Variants in ITFG1 observed in about 807,000 individuals in gnomAD.
ITFG1 encodes integrin alpha FG-GAP repeat containing 1, also known as T-cell immunomodulatory protein.
In ITFG1, 34 loss-of-function variants were observed where a neutral mutation model predicts 81.8. The observed-to-expected ratio is 0.42, with a 90% confidence interval of 0.32 to 0.55. The LOEUF is 0.55. Among genes scored for constraint, ITFG1 ranks in the 20% least tolerant of loss-of-function variants. The pLI, the probability that ITFG1 is intolerant of heterozygous loss-of-function variation, is 0.17. For missense variants in ITFG1, 672 were observed against 755.4 expected (o/e 0.89, Z 1.29); for synonymous variants, 285 against 270.6 (o/e 1.05, Z -0.52).
intron 6 of ITFG1, among the ~76,000 whole-genome samples, chr16:47,419,338 T>C (rs1968912502): frequency 6.6e-6 from 1 of 151,980 alleles, no homozygotes; most frequent in Non-Finnish European, 1.5e-5. Flanking sequence ...GCATAATCAT[T>C]GCTCACTGCA....
At chr16:47,259,962 G>A (rs989794816) in intron 11 of ITFG1, among the ~76,000 whole-genome samples, 6 of 146,250 alleles carry the variant, frequency 4.1e-5, no homozygotes, top group Admixed American at 6.8e-5. Context: ...TTTTTGAGAC[G>A]GAGTCTTGCT....
chr16:47,162,716 C>G, intron 14 of ITFG1, 52 bp from the exon 15 acceptor site: 1 of 1,459,752 alleles, frequency 6.9e-7, no homozygotes, highest in Non-Finnish European at 9.2e-7. Context: ...AAACATTGCT[C>G]CCATCAAATA....
chr16:47,250,463 T>A (rs1285262317), intron 12 of ITFG1, among the ~76,000 whole-genome samples: 1 of 151,812 alleles, frequency 6.6e-6, no homozygotes, highest in Non-Finnish European at 1.5e-5. Context: ...AATAAAAAAA[T>A]GGTAAGTATG....
chr16:47,405,860 C>T (rs1206187877), intron 6 of ITFG1, among the ~76,000 whole-genome samples: 1 of 152,034 alleles, frequency 6.6e-6, no homozygotes, highest in Non-Finnish European at 1.5e-5. Flanking sequence ...GGGGTACTTT[C>T]CTGGATTAAG....
At position 47,224,588 on chromosome 16, in the gene ITFG1, C is replaced by T. The variant is rs1482005868; in HGVS notation, c.1375-5642G>A. Among the ~76,000 whole-genome samples, 13 of 151,958 alleles carry T rather than the reference C, an allele frequency of 8.6e-5. 1 individual carries two copies. The highest frequency in any genetic ancestry group is 8.5e-4 in the Admixed American group (13 of 15,258). On this transcript the variant is annotated intron_variant, in intron 13 of 17. Transcript: ENST00000320640. The stretch of plus-strand genomic sequence containing the variant: ...AGCAATAAGAGCAAAAACCACAAAC[C>T]CAGGCAATGGGAGAAATCTGGGAAG...
At chr16:47,293,177 TACAA>T in intron 10 of ITFG1, among the ~76,000 whole-genome samples, 2 of 147,502 alleles carry the variant, frequency 1.4e-5, no homozygotes, top group Non-Finnish European at 3.0e-5. Context: ...ATATATCATA[TACAA>T]ATGATATATA....
chr16:47,298,249 T>G (rs1317073861), intron 10 of ITFG1, among the ~76,000 whole-genome samples: 1 of 152,218 alleles, frequency 6.6e-6, no homozygotes, highest in Non-Finnish European at 1.5e-5. Context: ...CAGTACTGGT[T>G]TTCAGATTTG....
intron 14 of ITFG1, among the ~76,000 whole-genome samples, chr16:47,171,643 G>GTT (rs1006831216): frequency 6.6e-6 from 1 of 150,492 alleles, no homozygotes; most frequent in East Asian, 1.9e-4. Flanking sequence ...TGAGATCGTT[G>GTT]TTTTTTTTTA....
At chr16:47,366,816 G>GT (rs1427908934) in intron 7 of ITFG1, among the ~76,000 whole-genome samples, 1 of 152,036 alleles carries the variant, frequency 6.6e-6, no homozygotes, top group Non-Finnish European at 1.5e-5. Flanking sequence ...ATCTGTCTGA[G>GT]TAAAAAAATG....
intron 8 of ITFG1, among the ~76,000 whole-genome samples, chr16:47,337,495 G>A (rs1027130097): frequency 3.3e-5 from 5 of 152,028 alleles, no homozygotes; most frequent in South Asian, 2.1e-4. Context: ...ACCTGAAACC[G>A]GGAGGTGGAG....
At chr16:47,267,105 T>G (rs1268551483) in intron 10 of ITFG1, among the ~76,000 whole-genome samples, 1 of 152,190 alleles carries the variant, frequency 6.6e-6, no homozygotes, top group Admixed American at 6.5e-5. Context: ...TGTTCTAAAC[T>G]TGAAGGTGAT....
intron 5 of ITFG1, among the ~76,000 whole-genome samples, chr16:47,432,787 A>G (rs566417967): frequency 6.6e-6 from 1 of 152,332 alleles, no homozygotes; most frequent in African/African-American, 2.4e-5. Flanking sequence ...CCAATTTAAT[A>G]ATGACTGATT....
chr16:47,409,728 A>T (rs1039429967), intron 6 of ITFG1, among the ~76,000 whole-genome samples: 7 of 151,772 alleles, frequency 4.6e-5, no homozygotes, highest in African/African-American at 1.7e-4. Context: ...CACAAAAAAA[A>T]TTTTAAAACT....
chr16:47,163,938 CACACACACACACACAT>C (rs1451278054), intron 14 of ITFG1, among the ~76,000 whole-genome samples: 9 of 148,448 alleles, frequency 6.1e-5, no homozygotes, highest in African/African-American at 2.4e-4. Context: ...CACACACACA[CACACACACACACACAT>C]ACACACACAC....
rs573697278 is a variant in ITFG1 at position 47,201,703 on chromosome 16, C to G, written c.1453+17165G>C. Reference sequence around the variant, plus strand: ...TCTCAGCAAAAAAAGAAATTTATTTCACATGGGCACTCTATATATGTTATC... The same window carrying G: ...TCTCAGCAAAAAAAGAAATTTATTTGACATGGGCACTCTATATATGTTATC... On this transcript the variant is annotated intron_variant, in intron 14 of 17. Transcript: ENST00000320640. 4.6e-5 allele frequency among the ~76,000 whole-genome samples: 7 copies of G among 152,226 alleles called. No homozygotes were observed. The South Asian group carries it at 1.5e-3, about 32-fold the overall frequency.
At chr16:47,370,406 G>A (rs2151588778) in intron 7 of ITFG1, among the ~76,000 whole-genome samples, 1 of 152,258 alleles carries the variant, frequency 6.6e-6, no homozygotes, top group East Asian at 1.9e-4. Context: ...AGCCACACGT[G>A]GGGATTCCCT....
intron 8 of ITFG1, among the ~76,000 whole-genome samples, chr16:47,318,861 T>C (rs548731769): frequency 2.0e-5 from 3 of 152,348 alleles, no homozygotes; most frequent in African/African-American, 7.2e-5. Flanking sequence ...TATGTTGTTT[T>C]GGTTGACAAA....
chr16:47,192,621 T>C (rs980364339), intron 14 of ITFG1, among the ~76,000 whole-genome samples: 25 of 152,286 alleles, frequency 1.6e-4, no homozygotes, highest in Admixed American at 6.5e-4. Context: ...TGAGATAGGC[T>C]AAAGGGGGCT....
At chr16:47,184,695 C>G (rs927175701) in intron 14 of ITFG1, among the ~76,000 whole-genome samples, 2 of 151,946 alleles carry the variant, frequency 1.3e-5, no homozygotes, top group African/African-American at 2.4e-5. Context: ...TAAAGACCAT[C>G]GAGACTAGGA....
Sources: gnomAD v4.1 joint callset for allele counts (sites outside exome capture counted in the v4.1 genomes callset) on GRCh38, gnomAD v4.1.1 for gene constraint, MANE v1.5 for transcripts, NCBI Gene and HGNC (gene_info 2026-07-23, HGNC 2026-07-21) for gene names.